The following STAB1 variants were observed in gnomAD, a reference collection of about 807,000 sequenced individuals.
STAB1 encodes stabilin 1.
Under a neutral mutation model 332.4 loss-of-function variants are expected in STAB1, and 250 were observed. The ratio of observed to expected loss-of-function variants is 0.75; its 90% confidence interval spans 0.68 to 0.84. The LOEUF (loss-of-function observed/expected upper bound fraction) is 0.84. STAB1 is among the 40% of genes least tolerant of loss of function. STAB1 has a pLI of 0.00. For synonymous variants in STAB1, 1,475 were observed against 1,390.4 expected (o/e 1.06, Z -1.35); for missense variants, 3,249 against 3,489.7 (o/e 0.93, Z 1.74).
In STAB1 at chr3:52,520,094, C is replaced by T. The variant is rs201109781; in HGVS notation, c.5386C>T (p.Arg1796Trp). Residue 1796 changes from arginine to tryptophan, a missense_variant, in exon 51 of 69, where the codon CGG (arginine) becomes TGG (tryptophan). By Grantham distance (101) the Arg-to-Trp change is moderately radical. Transcript: ENST00000321725. ...DHRDKLAAIL[R>W]GHMIRNVEAL... ...CCGTGACAAGCTAGCAGCCATTCTG[C>T]GGGGCCACATGATTCGCAATGTCGA... 1.9e-4 allele frequency: 299 copies of T among 1,610,742 alleles called. 1 individual carries two copies. Among genetic ancestry groups the T allele is most frequent in the South Asian group, 3.5e-4 (32 of 91,038 alleles).
chr3:52,509,937 G>A lies in STAB1; in HGVS notation c.2415G>A (p.Thr805=), dbSNP rs149823347. ...GTGGGGGGGTGTGCCAGCAGGGCAC[G>A]TGTGCCCCTGGCTTCAGTGGCCGGT... is the stretch of plus-strand genomic sequence containing the variant. ...PGSGGVCQQG[T]CAPGFSGRFC... Residue 805 remains threonine (T), a synonymous_variant, in exon 23 of 69, where the codon ACG becomes ACA. Coordinates refer to ENST00000321725, the MANE Select transcript of STAB1 (RefSeq NM_015136.3). 2.3e-5 allele frequency: 37 copies of A among 1,612,944 alleles called. 1 individual carries two copies. In the Admixed American group the frequency reaches 4.5e-4, roughly 20 times the overall value.
At chr3:52,506,905 A>G (rs1021874276) in intron 18 of STAB1, 55 bp downstream of exon 18, 1 of 1,590,042 alleles carries the variant, frequency 6.3e-7, no homozygotes, top group Non-Finnish European at 8.6e-7. Context: ...TCAGCGCTGG[A>G]GCGGCAATCC....
At chr3:52,509,045 G>A (rs972970901) in intron 21 of STAB1, among the ~76,000 whole-genome samples, 165 bp from the exon 22 acceptor site, 4 of 152,170 alleles carry the variant, frequency 2.6e-5, no homozygotes, top group African/African-American at 9.7e-5. Flanking sequence ...TGCCTTTTAG[G>A]GGCTAGGTCT....
At chr3:52,517,725 C>A in intron 44 of STAB1, 101 bp downstream of exon 44, 1 of 1,549,374 alleles carries the variant, frequency 6.5e-7, no homozygotes, top group Non-Finnish European at 8.8e-7. Flanking sequence ...AGGGCCTCTG[C>A]AGGGTGGGCT....
Position 52,521,946 on chromosome 3 carries a change from G to A in STAB1, c.6266G>A (p.Cys2089Tyr). ...SLGYEGDGRV[C>Y]TVADLCQDGH... ...GGCTATGAAGGGGATGGCCGTGTGT[G>A]TACAGGTAAGCAGATGGGCGGGGAC... Residue 2089 changes from cysteine to tyrosine, a missense_variant, in exon 58 of 69, where the codon TGT becomes TAT. Cys to Tyr is a radical substitution (Grantham distance 194). Coordinates refer to ENST00000321725, the MANE Select transcript of STAB1 (RefSeq NM_015136.3). 6.2e-7 allele frequency: 1 copy of A among 1,608,400 alleles called. No individual in the cohort carries two copies. The highest frequency in any genetic ancestry group is 1.1e-5 in the South Asian group (1 of 90,502).
At position 52,522,760 on chromosome 3, in the gene STAB1, C is replaced by T. The variant is rs1167704368; in HGVS notation, c.6745-15C>T. The T allele has an allele frequency of 2.5e-6, 4 of 1,612,914 alleles. No homozygotes were observed. The highest frequency in any genetic ancestry group is 1.3e-5 in the African/African-American group (1 of 75,034). On this transcript the variant is annotated splice_polypyrimidine_tract_variant and intron_variant, in intron 61 of 68. Transcript: ENST00000321725. The stretch of plus-strand genomic sequence containing the variant: ...ACTGGGTCTTGGGTCTTAGTATCCC[C>T]TCCTGTTCCTACAGCTGGGCTTCCA...
chr3:52,501,591 T>C (rs775135370), intron 2 of STAB1, 47 bp from the exon 3 acceptor site: 1 of 1,500,100 alleles, frequency 6.7e-7, no homozygotes, highest in South Asian at 1.2e-5. Flanking sequence ...GGGTGGGGGC[T>C]GTGCAAGGGA....
Position 52,524,029 on chromosome 3 carries a change from T to C in STAB1, c.7542+12T>C. The C allele has an allele frequency of 6.2e-7, 1 of 1,612,208 alleles. No individual in the cohort carries two copies. The highest frequency in any genetic ancestry group is 1.1e-5 in the South Asian group (1 of 91,024). ...TCTCTGCCTTCCAGGTAGGGCTGGG[T>C]TGGGGCTGCCATGGCGGGTCCTTGG... On this transcript the variant is annotated intron_variant, in intron 67 of 68. Transcript: ENST00000321725.
chr3:52,508,100 G>A, intron 20 of STAB1, 74 bp downstream of exon 20: 2 of 1,474,574 alleles, frequency 1.4e-6, no homozygotes, highest in Non-Finnish European at 9.4e-7. Flanking sequence ...CCAAGCTGGG[G>A]CTGAGTGGGC....
At chr3:52,501,611 A>G in intron 2 of STAB1, 27 bp from the exon 3 acceptor site, 2 of 1,541,872 alleles carry the variant, frequency 1.3e-6, no homozygotes, top group South Asian at 2.4e-5. Flanking sequence ...AGCCTTTTCC[A>G]TCACCCTGCC....
chr3:52,509,584 G>T (rs1004402154), intron 22 of STAB1: 6 of 591,700 alleles, frequency 1.0e-5, no homozygotes, highest in African/African-American at 9.3e-5. Context: ...GGCCAGGAAG[G>T]GAACTGTGGC....
At chr3:52,504,652 G>T in intron 11 of STAB1, 87 bp from the exon 12 acceptor site, 1 of 1,611,906 alleles carries the variant, frequency 6.2e-7, no homozygotes, top group Non-Finnish European at 8.5e-7. Context: ...GGCCTGGGAT[G>T]CATCCTGTCC....
chr3:52,517,187 C>G, intron 42 of STAB1, 78 bp downstream of exon 42: 1 of 1,503,126 alleles, frequency 6.7e-7, no homozygotes, highest in Non-Finnish European at 8.9e-7. Flanking sequence ...TTAGGAAGGG[C>G]TGAAGGGGCA....
intron 1 of STAB1, among the ~76,000 whole-genome samples, chr3:52,498,362 C>T (rs1031428009): frequency 6.6e-6 from 1 of 152,222 alleles, no homozygotes; most frequent in African/African-American, 2.4e-5. Flanking sequence ...GTGATCCAGC[C>T]TCACTCCACC....
Position 52,516,528 on chromosome 3 carries a change from C to A in STAB1, c.4241-14C>A, listed in dbSNP as rs201924630. On this transcript the variant is annotated splice_polypyrimidine_tract_variant and intron_variant, in intron 39 of 68. Transcript: ENST00000321725. ...CTGGGTCTGAATGACCAGAGTCATCCTCCTGCCCCCCAGAAATCACCAGCC... is the reference window on the plus strand; with the variant it reads ...CTGGGTCTGAATGACCAGAGTCATCATCCTGCCCCCCAGAAATCACCAGCC... 4.3e-6 allele frequency: 7 copies of A among 1,613,372 alleles called. No individual in the cohort carries two copies. Among genetic ancestry groups the A allele is most frequent in the Non-Finnish European group, 5.1e-6 (6 of 1,179,974 alleles).
chr3:52,512,288 G>A, intron 26 of STAB1, 53 bp from the exon 27 acceptor site: 1 of 1,550,958 alleles, frequency 6.4e-7, no homozygotes, highest in Non-Finnish European at 8.9e-7. Context: ...GGGAGGGAGG[G>A]GCCCAGCTGC....
Position 52,523,036 on chromosome 3 carries a change from C to A in STAB1, c.6922C>A (p.Arg2308=), listed in dbSNP as rs376069626. ...TGCTTTTCCTGCAGATGTGGCCTGC[C>A]GATGCCGAAATGGCTTCGTGGGTGA... is the stretch of plus-strand genomic sequence containing the variant. ...YCFRVQDVAC[R]CRNGFVGDGI... is the part of the protein sequence containing the mutation. The change falls in exon 63 of 69, where the codon CGA becomes AGA. Residue 2308 remains arginine, a synonymous_variant. Coordinates refer to ENST00000321725, the MANE Select transcript of STAB1 (RefSeq NM_015136.3). The A allele has an allele frequency of 1.3e-6, 2 of 1,573,656 alleles. No homozygotes were observed. Among genetic ancestry groups the A allele is most frequent in the Admixed American group, 1.7e-5 (1 of 58,010 alleles).
chr3:52,504,639 C>G lies in STAB1; in HGVS notation c.1239+90C>G, dbSNP rs1025248573. On this transcript the variant is annotated intron_variant, in intron 11 of 68. Transcript: ENST00000321725. ...GTCTTCAGGGCCACCTGGAAGGCAT[C>G]AGGGCCTGGGATGCATCCTGTCCCC... 1.1e-5 allele frequency: 17 copies of G among 1,611,570 alleles called. No individual in the cohort carries two copies. The African/African-American group carries it at 2.0e-4, about 19-fold the overall frequency.
At chr3:52,509,760 T>A in intron 22 of STAB1, 110 bp from the exon 23 acceptor site, 1 of 1,210,186 alleles carries the variant, frequency 8.3e-7, no homozygotes, top group Non-Finnish European at 1.2e-6. Context: ...CACCCTGAAG[T>A]CAAATCTGTA....
Sources: gnomAD v4.1 joint callset for allele counts (sites outside exome capture counted in the v4.1 genomes callset) on GRCh38, gnomAD v4.1.1 for gene constraint, MANE v1.5 for transcripts, NCBI Gene and HGNC (gene_info 2026-07-23, HGNC 2026-07-21) for gene names.